The following AOPEP variants were observed in gnomAD, a reference collection of about 807,000 sequenced individuals.
AOPEP encodes the protein aminopeptidase O (putative).
In AOPEP, 77 loss-of-function variants were observed where a neutral mutation model predicts 98.1. The observed-to-expected ratio is 0.78, with a 90% CI of 0.65 to 0.95. AOPEP has a LOEUF of 0.95. Ranked by LOEUF, AOPEP falls within the 40% of genes least tolerant of loss-of-function variation. The pLI, the probability that AOPEP is intolerant of heterozygous loss-of-function variation, is 0.00. For synonymous variants in AOPEP, 346 were observed against 365.3 expected (o/e 0.95, Z 0.60); for missense variants, 1,024 against 1,024.7 (o/e 1.00, Z 0.01).
At chr9:94,978,196 C>T (rs1170032301) in intron 10 of AOPEP, among the ~76,000 whole-genome samples, 1 of 152,094 alleles carries the variant, frequency 6.6e-6, no homozygotes, top group Non-Finnish European at 1.5e-5. Flanking sequence ...CTTTTCATAA[C>T]TTCTAGAATT....
intron 3 of AOPEP, among the ~76,000 whole-genome samples, chr9:94,784,519 C>T (rs915980243): frequency 2.0e-5 from 3 of 152,212 alleles, no homozygotes; most frequent in Non-Finnish European, 4.4e-5. Context: ...CAAAACTATT[C>T]ACAGGACAGT....
intron 4 of AOPEP, among the ~76,000 whole-genome samples, chr9:94,796,182 C>T (rs1202020123): frequency 6.6e-6 from 1 of 152,194 alleles, no homozygotes; most frequent in East Asian, 1.9e-4. Flanking sequence ...TCTAGGGAAG[C>T]GCGTCTTTCC....
At chr9:94,853,314 G>C (rs1459090349) in intron 5 of AOPEP, among the ~76,000 whole-genome samples, 1 of 152,100 alleles carries the variant, frequency 6.6e-6, no homozygotes, top group African/African-American at 2.4e-5. Flanking sequence ...ACAAAAATTA[G>C]CCGGGTGTGG....
At chr9:94,836,557 T>C (rs1487789193) in intron 5 of AOPEP, among the ~76,000 whole-genome samples, 2 of 152,214 alleles carry the variant, frequency 1.3e-5, no homozygotes. Context: ...GTTGTTTTCT[T>C]GCTGTTGAGT....
At chr9:94,949,113 G>A (rs1052923580) in intron 7 of AOPEP, among the ~76,000 whole-genome samples, 6 of 152,220 alleles carry the variant, frequency 3.9e-5, no homozygotes, top group Non-Finnish European at 5.9e-5. Flanking sequence ...ATCGCTTGCT[G>A]TGTTGAATGG....
the AOPEP span, among the ~76,000 whole-genome samples, chr9:95,147,900 C>T: frequency 6.6e-6 from 1 of 152,230 alleles, no homozygotes. Flanking sequence ...AACTTAAGCA[C>T]AGAAGCTCTT....
At chr9:95,091,398 TTGTC>T (rs2070865026), downstream of AOPEP, among the ~76,000 whole-genome samples, 1 of 152,106 alleles carries the variant, frequency 6.6e-6, no homozygotes, top group East Asian at 1.9e-4. Context: ...GCCTGGCACT[TTGTC>T]AGGGGTTCAC....
chr9:95,022,966 G>A (rs7023719), intron 13 of AOPEP, among the ~76,000 whole-genome samples: 139,818 of 152,152 alleles, frequency 0.92, 64,442 homozygotes, highest in Non-Finnish European at 0.96. Context: ...TCTCCCCGCT[G>A]TAGTCCGGAA....
At chr9:94,783,145 A>C (rs1843655916) in intron 3 of AOPEP, among the ~76,000 whole-genome samples, 1 of 152,226 alleles carries the variant, frequency 6.6e-6, no homozygotes, top group Non-Finnish European at 1.5e-5. Context: ...GTGAGACTTG[A>C]ATAACAAGCC....
At chr9:94,810,242 G>A (rs561787249) in intron 5 of AOPEP, among the ~76,000 whole-genome samples, 55 of 152,096 alleles carry the variant, frequency 3.6e-4, no homozygotes, top group African/African-American at 1.3e-3. Flanking sequence ...TTCTTCTCTG[G>A]AAAAGTAAGG....
intron 5 of AOPEP, among the ~76,000 whole-genome samples, chr9:94,849,960 G>T (rs1001573669): frequency 1.3e-5 from 2 of 151,704 alleles, no homozygotes; most frequent in Admixed American, 1.3e-4. Context: ...GCTTGAACCC[G>T]GGAGATGGAG....
At chr9:94,922,741 C>T (rs2053803822) in intron 5 of AOPEP, among the ~76,000 whole-genome samples, 1 of 152,098 alleles carries the variant, frequency 6.6e-6, no homozygotes, top group South Asian at 2.1e-4. Flanking sequence ...TCTGGGGTTT[C>T]TGGTGTCCTC....
intron 14 of AOPEP, among the ~76,000 whole-genome samples, chr9:95,066,788 G>A (rs745858660): frequency 1.3e-5 from 2 of 152,138 alleles, no homozygotes; most frequent in Admixed American, 6.5e-5. Context: ...TCTTCTTCCG[G>A]TATAGCCAGG....
intron 5 of AOPEP, among the ~76,000 whole-genome samples, chr9:94,918,622 C>G (rs1057116652): frequency 4.6e-5 from 7 of 152,302 alleles, no homozygotes; most frequent in African/African-American, 1.7e-4. Flanking sequence ...TTGGGCTAGT[C>G]AGTCTGCCTC....
intron 13 of AOPEP, among the ~76,000 whole-genome samples, chr9:95,043,762 T>C (rs979679701): frequency 1.3e-5 from 2 of 152,152 alleles, no homozygotes; most frequent in Non-Finnish European, 2.9e-5. Context: ...CCTTCCGGAC[T>C]CAAGCAATCC....
At chr9:95,062,516 T>C (rs1427691286) in intron 14 of AOPEP, among the ~76,000 whole-genome samples, 3 of 152,216 alleles carry the variant, frequency 2.0e-5, no homozygotes, top group African/African-American at 2.4e-5. Flanking sequence ...GCCTATTCCA[T>C]GGTTGCTTTA....
intron 5 of AOPEP, among the ~76,000 whole-genome samples, chr9:94,836,082 TTG>T (rs10606112): frequency 0.94 from 140,869 of 150,620 alleles, 65,881 homozygotes; most frequent in Middle Eastern, 0.97. Context: ...TGTTTCCTGC[TTG>T]TGTGTGTGTG....
rs546846782 is a variant in AOPEP, at chr9:94,818,988, C to T, written c.1364+17986C>T. Among the ~76,000 whole-genome samples, 133 of 152,218 alleles carry T rather than the reference C, an allele frequency of 8.7e-4. 1 individual carries two copies. The highest frequency in any genetic ancestry group is 1.5e-3 in the Non-Finnish European group (101 of 68,014). ...CAGCCTGGGCGACAGAGTGAGACTC[C>T]GTCTCAAAAAACAAAAGCAAACAAA... On this transcript the variant is annotated intron_variant, in intron 5 of 16. Transcript: ENST00000375315.
At chr9:94,842,426 G>A (rs2042379683) in intron 5 of AOPEP, among the ~76,000 whole-genome samples, 1 of 152,090 alleles carries the variant, frequency 6.6e-6, no homozygotes, top group African/African-American at 2.4e-5. Flanking sequence ...AAAAAAGAAT[G>A]TCTGTTCTGC....
Sources: gnomAD v4.1 joint callset for allele counts (sites outside exome capture counted in the v4.1 genomes callset) on GRCh38, gnomAD v4.1.1 for gene constraint, MANE v1.5 for transcripts, NCBI Gene and HGNC (gene_info 2026-07-23, HGNC 2026-07-21) for gene names.